LY86: variants seen among roughly 807,000 people sequenced by gnomAD.
LY86 encodes MD-1, RP105-associated.
In LY86, 20 loss-of-function variants were observed where a neutral mutation model predicts 17.3. The ratio of observed to expected loss-of-function variants is 1.15; its 90% CI spans 0.81 to 1.68. The LOEUF (loss-of-function observed/expected upper bound fraction) is 1.68. Among genes scored for constraint, LY86 ranks in the 40% most tolerant of loss-of-function variants. LY86 has a pLI of 0.00. For missense variants in LY86, 200 were observed against 191.9 expected (o/e 1.04, Z -0.25); for synonymous variants, 74 against 70.6 (o/e 1.05, Z -0.24).
At chr6:6,623,459 C>T (rs541924761) in intron 1 of LY86, among the ~76,000 whole-genome samples, 12 of 152,320 alleles carry the variant, frequency 7.9e-5, no homozygotes, top group African/African-American at 2.4e-4. Flanking sequence ...CAAGTACTCA[C>T]GAAGGAGCAA....
At chr6:6,638,535 G>T (rs1399439516) in intron 3 of LY86, among the ~76,000 whole-genome samples, 2 of 152,118 alleles carry the variant, frequency 1.3e-5, no homozygotes, top group African/African-American at 4.8e-5. Flanking sequence ...CATATTTCAA[G>T]CTCCTAATAG....
chr6:6,605,032 G>GA (rs11420827), intron 1 of LY86, among the ~76,000 whole-genome samples: 37,595 of 149,714 alleles, frequency 0.25, 5,887 homozygotes, highest in East Asian at 0.65. Context: ...AGACTTTGGA[G>GA]AAAAAAAAAT....
intron 3 of LY86, among the ~76,000 whole-genome samples, chr6:6,640,801 G>A (rs1400679464): frequency 6.6e-6 from 1 of 151,256 alleles, no homozygotes; most frequent in Non-Finnish European, 1.5e-5. Context: ...CCTAAGGAGA[G>A]GACCATGAGT....
Position 6,603,809 on chromosome 6 carries a change from C to T in LY86, c.136+14939C>T, listed in dbSNP as rs148639790. Reference sequence around the variant, plus strand: ...GTTGATCCCTCCATGAAGCTACAACCTTCTAAGAGTTACAGTCACAGTAAA... The same window carrying T: ...GTTGATCCCTCCATGAAGCTACAACTTTCTAAGAGTTACAGTCACAGTAAA... On this transcript the variant is annotated intron_variant, in intron 1 of 4. Coordinates refer to ENST00000230568, the MANE Select transcript of LY86 (RefSeq NM_004271.4). Among the ~76,000 whole-genome samples the T allele has an allele frequency of 4.4e-3, 670 of 151,830 alleles. 24 individuals are homozygous for T. Among genetic ancestry groups the T allele is most frequent in the Admixed American group, 0.039 (589 of 15,268 alleles).
intron 3 of LY86, among the ~76,000 whole-genome samples, chr6:6,641,392 GC>G (rs940865441): frequency 6.6e-6 from 1 of 152,142 alleles, no homozygotes; most frequent in East Asian, 1.9e-4. Flanking sequence ...AGTTCACCGT[GC>G]CCCCCTCCTG....
In LY86 at chr6:6,645,979, G is replaced by A. The variant is rs77432993; in HGVS notation, c.353-3646G>A. The stretch of plus-strand genomic sequence containing the variant: ...GTCTCTTTGTCTCTCTGCTCTGATT[G>A]TCTTGGCTTGGGTCAGAGAGTATCT... On this transcript the variant is annotated intron_variant, in intron 3 of 4. Coordinates refer to ENST00000230568, the MANE Select transcript of LY86 (RefSeq NM_004271.4). Among the ~76,000 whole-genome samples the A allele has an allele frequency of 1.9e-3, 295 of 152,206 alleles. 1 individual carries two copies. Among genetic ancestry groups the A allele is most frequent in the African/African-American group, 6.7e-3 (280 of 41,540 alleles).
intron 1 of LY86, among the ~76,000 whole-genome samples, chr6:6,593,683 G>A (rs1760602837): frequency 6.6e-6 from 1 of 152,218 alleles, no homozygotes; most frequent in South Asian, 2.1e-4. Flanking sequence ...ACATGGCATT[G>A]TTTCTGAAAT....
intron 4 of LY86, among the ~76,000 whole-genome samples, chr6:6,651,465 C>T (rs940882288): frequency 6.6e-6 from 1 of 152,160 alleles, no homozygotes; most frequent in African/African-American, 2.4e-5. Flanking sequence ...CCTCCTCAGG[C>T]CTTTCAGTAA....
chr6:6,612,472 T>G (rs2326813), intron 1 of LY86, among the ~76,000 whole-genome samples: 4 of 151,970 alleles, frequency 2.6e-5, no homozygotes, highest in African/African-American at 7.3e-5. Flanking sequence ...ATAAAAGCAA[T>G]GCAGACCCAA....
At chr6:6,601,757 G>A (rs1054110645) in intron 1 of LY86, among the ~76,000 whole-genome samples, 1 of 152,076 alleles carries the variant, frequency 6.6e-6, no homozygotes, top group Admixed American at 6.5e-5. Flanking sequence ...ACAATAGAAA[G>A]CAGAAGGGAC....
At chr6:6,603,789 T>G (rs2113096067) in intron 1 of LY86, among the ~76,000 whole-genome samples, 1 of 151,874 alleles carries the variant, frequency 6.6e-6, no homozygotes, top group East Asian at 1.9e-4. Context: ...GGAAAGTTGA[T>G]CCCTCCATGA....
chr6:6,639,006 G>A (rs909628068), intron 3 of LY86, among the ~76,000 whole-genome samples: 2 of 151,944 alleles, frequency 1.3e-5, no homozygotes, highest in African/African-American at 4.8e-5. Context: ...ATTCACAATA[G>A]CAAAGACTTG....
intron 1 of LY86, among the ~76,000 whole-genome samples, chr6:6,612,891 G>A (rs1761423360): frequency 6.6e-6 from 1 of 151,434 alleles, no homozygotes; most frequent in African/African-American, 2.4e-5. Context: ...TAGACATAAA[G>A]GTTCTCCAAG....
intron 1 of LY86, among the ~76,000 whole-genome samples, chr6:6,599,886 A>C (rs1319774501): frequency 6.6e-6 from 1 of 152,124 alleles, no homozygotes; most frequent in African/African-American, 2.4e-5. Context: ...AAGCATAAAA[A>C]CCATCACATG....
chr6:6,633,891 A>AC (rs1761928518), intron 3 of LY86, among the ~76,000 whole-genome samples: 1 of 129,024 alleles, frequency 7.8e-6, no homozygotes, highest in African/African-American at 2.9e-5. Flanking sequence ...AGTTAAATAA[A>AC]TTGTGTGTGT....
At chr6:6,591,615 A>G (rs1760533192) in intron 1 of LY86, 1 of 153,406 alleles carries the variant, frequency 6.5e-6, no homozygotes. Context: ...AGATGTGTAA[A>G]CTGAGGGATA....
At chr6:6,630,695 A>T (rs1177352994) in intron 3 of LY86, among the ~76,000 whole-genome samples, 1 of 152,172 alleles carries the variant, frequency 6.6e-6, no homozygotes, top group African/African-American at 2.4e-5. Context: ...TGGTCTGCAA[A>T]CACCAAGCGC....
intron 1 of LY86, among the ~76,000 whole-genome samples, chr6:6,613,625 TC>T (rs1331681590): frequency 6.6e-6 from 1 of 152,066 alleles, no homozygotes; most frequent in Non-Finnish European, 1.5e-5. Flanking sequence ...CGCCTGCGCT[TC>T]CCCCTTCATA....
chr6:6,604,461 G>C (rs953914020), intron 1 of LY86, among the ~76,000 whole-genome samples: 9 of 152,154 alleles, frequency 5.9e-5, no homozygotes, highest in African/African-American at 2.2e-4. Flanking sequence ...TAATGGTTAT[G>C]TTAAAACATT....
Sources: allele counts gnomAD v4.1 joint callset (sites outside exome capture counted in the v4.1 genomes callset), GRCh38; gene constraint gnomAD v4.1.1; transcripts MANE v1.5; gene names NCBI Gene and HGNC (gene_info 2026-07-23, HGNC 2026-07-21).